The following DCC variants were observed in gnomAD, a reference collection of about 807,000 sequenced individuals.
DCC encodes the protein DCC netrin 1 receptor.
In DCC, 58 loss-of-function variants were observed where a neutral mutation model predicts 172.5. That is an observed-to-expected ratio of 0.34 (90% CI 0.27 to 0.42). The LOEUF is 0.42. DCC is among the 10% of genes least tolerant of loss of function. DCC has a pLI of 1.00. For missense variants in DCC, 1,740 were observed against 1,791.0 expected (o/e 0.97, Z 0.51); for synonymous variants, 709 against 644.5 (o/e 1.10, Z -1.52).
At chr18:52,427,303 C>T (rs78532756) in intron 1 of DCC, among the ~76,000 whole-genome samples, 3,220 of 152,180 alleles carry the variant, frequency 0.021, 112 homozygotes, top group African/African-American at 0.073. Context: ...CAATATATCC[C>T]TTTCCCCTGC....
intron 1 of DCC, among the ~76,000 whole-genome samples, chr18:52,641,189 ATC>A (rs901649802): frequency 1.3e-5 from 2 of 152,266 alleles, no homozygotes; most frequent in African/African-American, 4.8e-5. Context: ...CTGGATCCTC[ATC>A]TCTCACCTTA....
Position 52,764,260 on chromosome 18 carries a change from C to T in DCC, c.412+11886C>T, listed in dbSNP as rs74588067. 7.4e-3 allele frequency among the ~76,000 whole-genome samples: 1,133 copies of T among 152,260 alleles called. 15 individuals carry two copies. Among genetic ancestry groups the T allele is most frequent in the African/African-American group, 0.026 (1,064 of 41,538 alleles). On this transcript the variant is annotated intron_variant, in intron 2 of 28. Transcript: ENST00000442544. ...CTGCCTACTCTGATAAGAATAGTGA[C>T]GAGTTGACACTGTTAATGAATAGCC...
At chr18:52,839,080 T>C (rs1171539212) in intron 2 of DCC, among the ~76,000 whole-genome samples, 1 of 152,178 alleles carries the variant, frequency 6.6e-6, no homozygotes, top group Non-Finnish European at 1.5e-5. Context: ...GGCCACATTG[T>C]AGAGCTGAAA....
chr18:53,464,728 C>A (rs2045598218), intron 24 of DCC, among the ~76,000 whole-genome samples: 1 of 151,574 alleles, frequency 6.6e-6, no homozygotes, highest in Admixed American at 6.6e-5. Flanking sequence ...CACCTGTAAT[C>A]CCAGCACTTT....
intron 1 of DCC, among the ~76,000 whole-genome samples, chr18:52,513,254 G>T (rs1320389772): frequency 1.3e-5 from 2 of 152,088 alleles, no homozygotes; most frequent in East Asian, 1.9e-4. Context: ...TTTACCATTT[G>T]CTTTTATATT....
rs183455461 is a variant in DCC at position 52,797,624 on chromosome 18, G to A, written c.412+45250G>A. Among the ~76,000 whole-genome samples, 195 of 152,326 alleles carry A rather than the reference G, an allele frequency of 1.3e-3. 1 individual carries two copies. The highest frequency in any genetic ancestry group is 2.2e-4 in the Non-Finnish European group (15 of 68,030). Reference sequence around the variant, plus strand: ...GAACATCAGCTGGGTTAGTTCTTGTGCACCAGTTTGGCAGCAGTACAAATG... The same window carrying A: ...GAACATCAGCTGGGTTAGTTCTTGTACACCAGTTTGGCAGCAGTACAAATG... On this transcript the variant is annotated intron_variant, in intron 2 of 28. Coordinates refer to ENST00000442544, the MANE Select transcript of DCC (RefSeq NM_005215.4).
chr18:53,083,917 T>G (rs1317526325), intron 7 of DCC, among the ~76,000 whole-genome samples: 1 of 152,194 alleles, frequency 6.6e-6, no homozygotes, highest in Admixed American at 6.5e-5. Context: ...CTGTATCAAC[T>G]TAGTCAAACT....
At chr18:52,750,005 C>A (rs1467419866) in intron 1 of DCC, among the ~76,000 whole-genome samples, 1 of 152,100 alleles carries the variant, frequency 6.6e-6, no homozygotes, top group Non-Finnish European at 1.5e-5. Context: ...TTTCTCAAGC[C>A]AGGTTTGCTA....
chr18:52,798,898 C>T (rs1214481200), intron 2 of DCC, among the ~76,000 whole-genome samples: 2 of 152,002 alleles, frequency 1.3e-5, no homozygotes. Context: ...GAGGTGCCTG[C>T]CACCACGCCC....
intron 13 of DCC, among the ~76,000 whole-genome samples, chr18:53,319,497 C>T (rs772727711): frequency 2.0e-5 from 3 of 152,022 alleles, no homozygotes; most frequent in African/African-American, 7.3e-5. Context: ...GACTTTAAAG[C>T]CACAAAGATC....
chr18:52,805,266 A>G (rs1335261563), intron 2 of DCC, among the ~76,000 whole-genome samples: 1 of 152,228 alleles, frequency 6.6e-6, no homozygotes. Context: ...AGCTTACATA[A>G]CCAAGTGAGG....
intron 7 of DCC, among the ~76,000 whole-genome samples, chr18:53,088,979 T>C (rs1333936743): frequency 2.6e-5 from 4 of 152,216 alleles, no homozygotes; most frequent in Non-Finnish European, 5.9e-5. Flanking sequence ...TATGCAGTTG[T>C]GTATTACTTA....
chr18:52,455,977 A>G (rs1293192595), intron 1 of DCC, among the ~76,000 whole-genome samples: 1 of 152,214 alleles, frequency 6.6e-6, no homozygotes, highest in Non-Finnish European at 1.5e-5. Flanking sequence ...ATATGAAACA[A>G]ACAAACAAAC....
intron 13 of DCC, among the ~76,000 whole-genome samples, chr18:53,307,486 A>C (rs2057213663): frequency 1.3e-5 from 2 of 152,126 alleles, no homozygotes; most frequent in Non-Finnish European, 2.9e-5. Context: ...AGGAGACACT[A>C]AGGATAATTT....
At chr18:52,891,983 T>G (rs767581673) in intron 2 of DCC, among the ~76,000 whole-genome samples, 1 of 152,080 alleles carries the variant, frequency 6.6e-6, no homozygotes, top group Non-Finnish European at 1.5e-5. Flanking sequence ...AATCCCTTAA[T>G]AACATCTCAG....
At chr18:52,674,816 G>C (rs1264287771) in intron 1 of DCC, among the ~76,000 whole-genome samples, 1 of 152,184 alleles carries the variant, frequency 6.6e-6, no homozygotes, top group Non-Finnish European at 1.5e-5. Flanking sequence ...AGCCAGGGCT[G>C]TTTTAAAATT....
chr18:52,365,555 G>A (rs1475797639), intron 1 of DCC, among the ~76,000 whole-genome samples: 1 of 152,084 alleles, frequency 6.6e-6, no homozygotes, highest in African/African-American at 2.4e-5. Context: ...TACGAGGGGA[G>A]AGTATGGCAG....
At chr18:52,396,286 C>G (rs1313881347) in intron 1 of DCC, among the ~76,000 whole-genome samples, 8 of 137,974 alleles carry the variant, frequency 5.8e-5, no homozygotes, top group Admixed American at 1.6e-4. Context: ...ACCACACCCC[C>G]CCCCCACCCC....
chr18:52,536,871 G>C (rs1198307848), intron 1 of DCC, among the ~76,000 whole-genome samples: 1 of 152,074 alleles, frequency 6.6e-6, no homozygotes, highest in African/African-American at 2.4e-5. Context: ...CTTTTAAAAT[G>C]ATCTCTTTAA....
Sources: allele counts gnomAD v4.1 joint callset (sites outside exome capture counted in the v4.1 genomes callset), GRCh38; gene constraint gnomAD v4.1.1; transcripts MANE v1.5; gene names NCBI Gene and HGNC (gene_info 2026-07-23, HGNC 2026-07-21).